Variants in PDZRN4 observed in about 807,000 individuals in gnomAD.
The protein encoded by PDZRN4 is PDZ domain containing ring finger 4.
A neutral mutation model predicts 99.0 loss-of-function variants in PDZRN4; 70 were observed. That is an observed-to-expected ratio of 0.71 (90% confidence interval 0.58 to 0.86). The LOEUF (loss-of-function observed/expected upper bound fraction) is 0.86. Among genes scored for constraint, PDZRN4 ranks in the 40% least tolerant of loss-of-function variants. PDZRN4 has a pLI of 0.00. For synonymous variants in PDZRN4, 551 were observed against 501.6 expected, an observed-to-expected ratio of 1.10 and a Z score of -1.32; for missense variants, 1,474 against 1,331.2, an observed-to-expected ratio of 1.11 and a Z score of -1.67.
chr12:41,326,529 G>T (rs758063058), intron 3 of PDZRN4, among the ~76,000 whole-genome samples: 2 of 152,146 alleles, frequency 1.3e-5, no homozygotes, highest in African/African-American at 2.4e-5. Flanking sequence ...CAAGGTTGAA[G>T]ATTGAGCAGA....
At chr12:41,208,907 A>G (rs1950868473) in intron 3 of PDZRN4, among the ~76,000 whole-genome samples, 1 of 152,052 alleles carries the variant, frequency 6.6e-6, no homozygotes, top group East Asian at 1.9e-4. Context: ...GAAGTTTTAC[A>G]CATAAAAGAT....
chr12:41,381,559 G>A (rs1268080768), intron 3 of PDZRN4, among the ~76,000 whole-genome samples: 1 of 151,914 alleles, frequency 6.6e-6, no homozygotes. Flanking sequence ...GTGTTCTTCA[G>A]CTCTTAATTT....
At chr12:41,241,328 T>C (rs956284092) in intron 3 of PDZRN4, among the ~76,000 whole-genome samples, 2 of 151,330 alleles carry the variant, frequency 1.3e-5, no homozygotes, top group Non-Finnish European at 2.9e-5. Flanking sequence ...AGCTATGATA[T>C]ACTGTGTTTG....
intron 3 of PDZRN4, among the ~76,000 whole-genome samples, chr12:41,447,157 T>C (rs1270879657): frequency 1.3e-5 from 2 of 152,104 alleles, no homozygotes; most frequent in South Asian, 2.1e-4. Context: ...GTATAAATAT[T>C]GTTTGCTTGG....
chr12:41,263,239 G>T (rs960776507), intron 3 of PDZRN4, among the ~76,000 whole-genome samples: 5 of 152,086 alleles, frequency 3.3e-5, no homozygotes, highest in African/African-American at 1.2e-4. Context: ...TTATCAAAAT[G>T]TATCTTGTAT....
intron 3 of PDZRN4, among the ~76,000 whole-genome samples, chr12:41,480,695 T>A (rs922143664): frequency 1.3e-5 from 2 of 152,150 alleles, no homozygotes; most frequent in Admixed American, 6.6e-5. Flanking sequence ...TTTTATAATT[T>A]CTTACCTTCT....
chr12:41,388,165 C>A (rs1236893168), intron 3 of PDZRN4, among the ~76,000 whole-genome samples: 1 of 152,076 alleles, frequency 6.6e-6, no homozygotes, highest in Non-Finnish European at 1.5e-5. Context: ...CAAACTAACA[C>A]AAGAACAGAA....
intron 3 of PDZRN4, among the ~76,000 whole-genome samples, chr12:41,293,517 A>C (rs1316724098): frequency 2.0e-5 from 3 of 151,960 alleles, no homozygotes; most frequent in African/African-American, 7.2e-5. Flanking sequence ...AATGAATGTC[A>C]GAGCAAAGTG....
At chr12:41,375,925 C>G (rs1450787800) in intron 3 of PDZRN4, among the ~76,000 whole-genome samples, 1 of 152,156 alleles carries the variant, frequency 6.6e-6, no homozygotes, top group African/African-American at 2.4e-5. Flanking sequence ...CATCCCCTGG[C>G]AACATCCATT....
intron 6 of PDZRN4, 49 bp downstream of exon 6, chr12:41,552,803 CA>C: frequency 7.1e-7 from 1 of 1,412,412 alleles, no homozygotes; most frequent in East Asian, 2.3e-5. Flanking sequence ...CTAGGAAGAA[CA>C]GAGCGAAATG....
chr12:41,200,032 A>T (rs886315385), intron 3 of PDZRN4, among the ~76,000 whole-genome samples: 3 of 152,180 alleles, frequency 2.0e-5, no homozygotes, highest in African/African-American at 7.2e-5. Context: ...AATACATTTT[A>T]AAAAGAGTGT....
chr12:41,245,197 C>T (rs1951126763), intron 3 of PDZRN4, among the ~76,000 whole-genome samples: 1 of 152,054 alleles, frequency 6.6e-6, no homozygotes, highest in Admixed American at 6.5e-5. Flanking sequence ...ATTACACTTC[C>T]CCGAGCAAAA....
chr12:41,351,091 A>G (rs1951886646), intron 3 of PDZRN4, among the ~76,000 whole-genome samples: 1 of 152,120 alleles, frequency 6.6e-6, no homozygotes, highest in African/African-American at 2.4e-5. Context: ...AAGCATCTTA[A>G]ATTTTTAACC....
intron 3 of PDZRN4, among the ~76,000 whole-genome samples, chr12:41,304,870 T>A (rs1951559114): frequency 6.6e-6 from 1 of 152,218 alleles, no homozygotes; most frequent in Non-Finnish European, 1.5e-5. Context: ...TTCATAAACA[T>A]ACTACATAAC....
chr12:41,573,575 G>A lies in PDZRN4; in HGVS notation c.2796G>A (p.Met932Ile), dbSNP rs147617394. Residue 932 changes from methionine to isoleucine, a missense_variant, in exon 10 of 10, where the codon ATG becomes ATA. Coordinates refer to ENST00000402685, the MANE Select transcript of PDZRN4 (RefSeq NM_001164595.2). ...RSGMTTDDDT[M>I]SEMKMGRYWS... ...GCATGACCACAGACGATGACACCAT[G>A]AGCGAGATGAAAATGGGGCGCTACT... 6 of 1,612,924 alleles carry A rather than the reference G, an allele frequency of 3.7e-6. No homozygotes were observed. Among genetic ancestry groups the A allele is most frequent in the Non-Finnish European group, 5.1e-6 (6 of 1,179,622 alleles).
chr12:41,506,356 C>A, intron 3 of PDZRN4, 100 bp from the exon 4 acceptor site: 1 of 1,068,826 alleles, frequency 9.4e-7, no homozygotes, highest in Non-Finnish European at 1.3e-6. Flanking sequence ...AAATTCATAT[C>A]AGGGCTGGTT....
chr12:41,192,290 G>GA (rs1950740463), intron 2 of PDZRN4, among the ~76,000 whole-genome samples: 1 of 151,856 alleles, frequency 6.6e-6, no homozygotes, highest in African/African-American at 2.4e-5. Flanking sequence ...TTGTAGCAGA[G>GA]AAAATACAAA....
At chr12:41,570,610 G>C (rs993021499) in intron 9 of PDZRN4, among the ~76,000 whole-genome samples, 2 of 151,930 alleles carry the variant, frequency 1.3e-5, no homozygotes, top group African/African-American at 4.8e-5. Flanking sequence ...TAGTCTTCTT[G>C]TATTTTTCAG....
intron 1 of PDZRN4, among the ~76,000 whole-genome samples, chr12:41,190,275 G>T (rs1358382697): frequency 6.6e-6 from 1 of 152,194 alleles, no homozygotes; most frequent in Non-Finnish European, 1.5e-5. Context: ...TTGATGAATG[G>T]AAGCACGTTG....
Sources: allele counts gnomAD v4.1 joint callset (sites outside exome capture counted in the v4.1 genomes callset), GRCh38; gene constraint gnomAD v4.1.1; transcripts MANE v1.5; gene names NCBI Gene and HGNC (gene_info 2026-07-23, HGNC 2026-07-21).